The following PRKAR2B variants were observed in gnomAD, a reference collection of about 807,000 sequenced individuals.
PRKAR2B encodes protein kinase cAMP-dependent type II regulatory subunit beta.
A neutral mutation model predicts 49.9 loss-of-function variants in PRKAR2B; 14 were observed. That is an observed-to-expected ratio of 0.28 (90% CI 0.19 to 0.44). The LOEUF is 0.44. Among genes scored for constraint, PRKAR2B ranks in the 20% least tolerant of loss-of-function variants. The pLI is 1.00. For missense variants in PRKAR2B, 393 were observed against 537.9 expected (o/e 0.73, Z 2.67); for synonymous variants, 196 against 197.7 (o/e 0.99, Z 0.07).
intron 1 of PRKAR2B, among the ~76,000 whole-genome samples, chr7:107,051,765 G>T (rs951213717): frequency 1.3e-5 from 2 of 152,040 alleles, no homozygotes; most frequent in Non-Finnish European, 2.9e-5. Context: ...AGTCTTTCCA[G>T]TTGCTGCTGT....
chr7:107,119,421 G>A (rs1795348344), intron 2 of PRKAR2B, among the ~76,000 whole-genome samples: 1 of 152,136 alleles, frequency 6.6e-6, no homozygotes, highest in South Asian at 2.1e-4. Context: ...GCCCATATAT[G>A]GTGGTTTTTG....
chr7:107,100,622 A>C (rs1241308917), intron 2 of PRKAR2B, among the ~76,000 whole-genome samples: 1 of 152,038 alleles, frequency 6.6e-6, no homozygotes, highest in Non-Finnish European at 1.5e-5. Flanking sequence ...CTTCTATTAT[A>C]CTTAGGCTAG....
At position 107,159,543 on chromosome 7, in the gene PRKAR2B, G is replaced by A. The variant is rs1364063213; in HGVS notation, c.1218G>A (p.Leu406=). ...IATYEEQLVA[L]FGTNMDIVEP... is the part of the protein sequence containing the mutation. ...CCTATGAAGAACAGTTAGTTGCCCT[G>A]TTTGGAACGAACATGGATATTGTTG... The change falls in exon 11 of 11, where the codon CTG becomes CTA. Residue 406 remains leucine, a synonymous_variant. Coordinates refer to ENST00000265717, the MANE Select transcript of PRKAR2B (RefSeq NM_002736.3). The A allele has an allele frequency of 4.3e-6, 7 of 1,614,070 alleles. No individual in the cohort carries two copies. The highest frequency in any genetic ancestry group is 5.9e-6 in the Non-Finnish European group (7 of 1,179,962).
chr7:107,161,363 A>G lies in PRKAR2B; in HGVS notation c.*1781A>G, dbSNP rs574713296. Reference sequence around the variant, plus strand: ...AGTTATCTATTTTGTTGCATAAACTAATTGTTAACTATTCATGGAACAGCA... The same window carrying G: ...AGTTATCTATTTTGTTGCATAAACTGATTGTTAACTATTCATGGAACAGCA... On this transcript the variant is annotated 3_prime_UTR_variant, in exon 11 of 11. Coordinates refer to ENST00000265717, the MANE Select transcript of PRKAR2B (RefSeq NM_002736.3). The G allele has an allele frequency of 6.5e-6, 1 of 152,770 alleles. No individual in the cohort carries two copies. The highest frequency in any genetic ancestry group is 1.5e-5 in the Non-Finnish European group (1 of 68,024). The allele number at this position is 152,770 out of a possible 1,614,324, so 9.5% of individuals were successfully genotyped here. A position where few individuals can be genotyped will look rare whatever the true frequency, so the allele number is the denominator to read the frequency against.
In PRKAR2B at chr7:107,140,970, C is replaced by T. The variant is rs761602625; in HGVS notation, c.587+17C>T. On this transcript the variant is annotated intron_variant, in intron 5 of 10. Transcript: ENST00000265717. ...AATTGATAGGTAAGTTTTGCCCAAC[C>T]TTACTATTGAAATTGAAAGAACCTT... 29 of 1,557,134 alleles carry T rather than the reference C, an allele frequency of 1.9e-5. No homozygotes were observed. The highest frequency in any genetic ancestry group is 2.6e-5 in the Non-Finnish European group (29 of 1,134,956).
chr7:107,101,135 A>ATTTTTTTTTTTTTTTTTTTTTTTTTTTTT (rs950761298), intron 2 of PRKAR2B, among the ~76,000 whole-genome samples: 1 of 94,692 alleles, frequency 1.1e-5, no homozygotes, highest in African/African-American at 4.2e-5. Flanking sequence ...GTTGTTGCTT[A>ATTTTTTTTTTTTTTTTTTTTTTTTTTTTT]TTTTTTTTTT....
chr7:107,101,030 C>T (rs966747684), intron 2 of PRKAR2B, among the ~76,000 whole-genome samples: 1 of 151,850 alleles, frequency 6.6e-6, no homozygotes, highest in Non-Finnish European at 1.5e-5. Flanking sequence ...TATCACACTT[C>T]CTGTTTCTCT....
chr7:107,106,241 G>A (rs1306670672), intron 2 of PRKAR2B, among the ~76,000 whole-genome samples: 2 of 152,114 alleles, frequency 1.3e-5, no homozygotes, highest in Non-Finnish European at 2.9e-5. Flanking sequence ...AAGTTGCCAC[G>A]TGATTTCTGC....
intron 1 of PRKAR2B, chr7:107,066,709 C>A (rs1794154716): frequency 6.6e-6 from 1 of 152,094 alleles, no homozygotes; most frequent in Non-Finnish European, 1.5e-5. Flanking sequence ...GCTGGGATTA[C>A]AGGTGCTCAC....
At chr7:107,054,427 C>G (rs1050141329) in intron 1 of PRKAR2B, among the ~76,000 whole-genome samples, 3 of 152,144 alleles carry the variant, frequency 2.0e-5, no homozygotes, top group Non-Finnish European at 2.9e-5. Context: ...GCCAAATATT[C>G]TTGTCTTAAG....
At chr7:107,092,211 G>T (rs1584422977) in intron 2 of PRKAR2B, among the ~76,000 whole-genome samples, 1 of 151,004 alleles carries the variant, frequency 6.6e-6, no homozygotes, top group African/African-American at 2.4e-5. Flanking sequence ...TAAGAGTTTG[G>T]ATTTTATTCT....
At chr7:107,098,344 T>G (rs991735835) in intron 2 of PRKAR2B, among the ~76,000 whole-genome samples, 2 of 152,238 alleles carry the variant, frequency 1.3e-5, no homozygotes, top group Admixed American at 6.5e-5. Flanking sequence ...TCTTGTGCCA[T>G]GGTTTTCAGC....
chr7:107,076,606 A>C (rs536889322), intron 2 of PRKAR2B, among the ~76,000 whole-genome samples: 3 of 152,206 alleles, frequency 2.0e-5, no homozygotes, highest in African/African-American at 7.2e-5. Flanking sequence ...TTCAAGGACT[A>C]CTTGAAAGCA....
chr7:107,060,602 C>A (rs980101937), intron 1 of PRKAR2B, among the ~76,000 whole-genome samples: 1 of 151,560 alleles, frequency 6.6e-6, no homozygotes, highest in Non-Finnish European at 1.5e-5. Flanking sequence ...AGAAGGATTT[C>A]CCTCCTTCCC....
chr7:107,101,135 A>AT (rs950761298), intron 2 of PRKAR2B, among the ~76,000 whole-genome samples: 8,342 of 94,846 alleles, frequency 0.088, 346 homozygotes, highest in African/African-American at 0.12. Context: ...GTTGTTGCTT[A>AT]TTTTTTTTTT....
At chr7:107,050,747 G>C (rs1186532200) in intron 1 of PRKAR2B, among the ~76,000 whole-genome samples, 1 of 152,146 alleles carries the variant, frequency 6.6e-6, no homozygotes, top group Non-Finnish European at 1.5e-5. Flanking sequence ...GCTGAGATCT[G>C]GGATGGCCTA....
At chr7:107,104,056 A>C (rs931832688) in intron 2 of PRKAR2B, among the ~76,000 whole-genome samples, 2 of 151,704 alleles carry the variant, frequency 1.3e-5, no homozygotes, top group Non-Finnish European at 2.9e-5. Context: ...TTTGAGACGG[A>C]GTCTCGCACT....
At chr7:107,099,132 A>C (rs542266114) in intron 2 of PRKAR2B, among the ~76,000 whole-genome samples, 1 of 152,220 alleles carries the variant, frequency 6.6e-6, no homozygotes, top group Non-Finnish European at 1.5e-5. Flanking sequence ...CTACAGAGGC[A>C]GGCAGGCCTC....
chr7:107,111,684 TTTG>T, intron 2 of PRKAR2B, among the ~76,000 whole-genome samples: 1 of 152,286 alleles, frequency 6.6e-6, no homozygotes, highest in African/African-American at 2.4e-5. Context: ...TTTTAATTTT[TTTG>T]TTGGGAATTT....
Sources: allele counts gnomAD v4.1 joint callset (sites outside exome capture counted in the v4.1 genomes callset), GRCh38; gene constraint gnomAD v4.1.1; transcripts MANE v1.5; gene names NCBI Gene and HGNC (gene_info 2026-07-23, HGNC 2026-07-21).